Variants in SEPTIN9 observed in about 807,000 individuals in gnomAD.
The protein encoded by SEPTIN9 is septin-9.
SEPTIN9 carries 13 observed loss-of-function variants against 56.6 expected under a neutral mutation model. That is an observed-to-expected ratio of 0.23 (90% confidence interval 0.15 to 0.37). SEPTIN9 has a LOEUF of 0.37. Ranked by LOEUF, SEPTIN9 falls within the 10% of genes least tolerant of loss-of-function variation. The pLI is 1.00. For missense variants in SEPTIN9, 650 were observed against 823.1 expected, an observed-to-expected ratio of 0.79 and a Z score of 2.57; for synonymous variants, 332 against 334.1, an observed-to-expected ratio of 0.99 and a Z score of 0.07.
intron 3 of SEPTIN9, among the ~76,000 whole-genome samples, chr17:77,411,495 G>A (rs557697587): frequency 1.7e-4 from 26 of 150,774 alleles, no homozygotes; most frequent in African/African-American, 5.1e-4. Flanking sequence ...TTCGCCTTCC[G>A]CTTTCAAGCG....
intron 3 of SEPTIN9, among the ~76,000 whole-genome samples, chr17:77,407,282 CAAAAAAAAAAAAAAAA>C (rs58585658): frequency 2.2e-5 from 1 of 44,596 alleles, no homozygotes; most frequent in Admixed American, 3.5e-4. Flanking sequence ...GACCCTGTCT[CAAAAAAAAAAAAAAAA>C]AAAAAAAAAA....
chr17:77,482,795 C>A lies in SEPTIN9; in HGVS notation c.913+460C>A, dbSNP rs1174208670. On this transcript the variant is annotated intron_variant, in intron 4 of 11. Coordinates refer to ENST00000427177, the MANE Select transcript of SEPTIN9 (RefSeq NM_001113491.2). ...AATTGGGGCCTCGTGGCTTCCACAC[C>A]CCCTGGTGGCCCCGGAGAGCTGGAG... is the stretch of plus-strand genomic sequence containing the variant. 1.1e-5 allele frequency: 6 copies of A among 547,452 alleles called. No homozygotes were observed. In the East Asian group the frequency reaches 1.8e-4, roughly 16 times the overall value. The allele number at this position is 547,452 out of a possible 1,614,324, so 33.9% of individuals were successfully genotyped here.
At chr17:77,472,485 C>T (rs1321913047) in intron 3 of SEPTIN9, 1 of 152,236 alleles carries the variant, frequency 6.6e-6, no homozygotes, top group Non-Finnish European at 1.5e-5. Flanking sequence ...CTTCCAGGTC[C>T]TGCAAAGGAG....
intron 3 of SEPTIN9, chr17:77,426,908 G>A (rs2036936632): frequency 6.6e-6 from 1 of 152,238 alleles, no homozygotes; most frequent in Non-Finnish European, 1.5e-5. Context: ...CTGTCCAACT[G>A]GAGCAGTCAG....
rs765941385 is a variant in SEPTIN9, at chr17:77,499,187, C to T, written c.*529C>T. Reference sequence around the variant, plus strand: ...TGTGGCCATCACTCAGCCCCTACCCCTGCCCTGCTCCTAAGGGTAGAAAAC... The same window carrying T: ...TGTGGCCATCACTCAGCCCCTACCCTTGCCCTGCTCCTAAGGGTAGAAAAC... On this transcript the variant is annotated 3_prime_UTR_variant, in exon 12 of 12. Transcript: ENST00000427177. 3.7e-6 allele frequency: 2 copies of T among 544,746 alleles called. No individual in the cohort carries two copies. The highest frequency in any genetic ancestry group is 4.4e-5 in the Admixed American group (2 of 45,822). 33.7% of individuals were successfully genotyped at this position (544,746 alleles called of 1,614,324 possible).
At position 77,498,506 on chromosome 17, in the gene SEPTIN9, GCCCCCCA is replaced by G; in HGVS notation, c.1626-11_1626-5del. 4.2e-5 allele frequency: 21 copies of G among 505,186 alleles called. No homozygotes were observed. The highest frequency in any genetic ancestry group is 5.9e-5 in the Non-Finnish European group (20 of 341,002). The allele number at this position is 505,186 out of a possible 1,614,324, so 31.3% of individuals were successfully genotyped here. On this transcript the variant is annotated splice_polypyrimidine_tract_variant and intron_variant, in intron 11 of 11. Coordinates refer to ENST00000427177, the MANE Select transcript of SEPTIN9 (RefSeq NM_001113491.2). Reference sequence around the variant, plus strand: ...CTGCGCCCACCTCACTGACCCGCCCGCCCCCCACCCCCACAGGACGCACATGCAGAAC... The same window carrying G: ...CTGCGCCCACCTCACTGACCCGCCCGCCCCCACAGGACGCACATGCAGAAC...
chr17:77,308,388 A>G (rs1481584221), intron 2 of SEPTIN9, among the ~76,000 whole-genome samples: 2 of 152,244 alleles, frequency 1.3e-5, no homozygotes, highest in East Asian at 1.9e-4. Context: ...GGGCAAGGGC[A>G]TGTGCCCATC....
At chr17:77,422,785 C>G (rs2036751873) in intron 3 of SEPTIN9, among the ~76,000 whole-genome samples, 1 of 152,164 alleles carries the variant, frequency 6.6e-6, no homozygotes, top group African/African-American at 2.4e-5. Flanking sequence ...TCTGAATTCC[C>G]TGCCGAAATG....
intron 7 of SEPTIN9, among the ~76,000 whole-genome samples, chr17:77,490,154 TG>T (rs1200308547): frequency 9.8e-5 from 15 of 152,310 alleles, no homozygotes; most frequent in African/African-American, 3.1e-4. Flanking sequence ...TCCCCAGCCA[TG>T]TGTGTGACCG....
chr17:77,490,863 G>A lies in SEPTIN9; in HGVS notation c.1380+4G>A. 1.3e-6 allele frequency: 2 copies of A among 1,565,032 alleles called. No individual in the cohort carries two copies. Among genetic ancestry groups the A allele is most frequent in the Non-Finnish European group, 1.7e-6 (2 of 1,153,554 alleles). ...GAGGGTCCACTTCAAACAGCGGGTA[G>A]GGTTCCATCTCTACTTGCCCCAGCC... is the stretch of plus-strand genomic sequence containing the variant. On this transcript the variant is annotated splice_donor_region_variant and intron_variant, in intron 8 of 11. Transcript: ENST00000427177.
intron 2 of SEPTIN9, among the ~76,000 whole-genome samples, chr17:77,387,179 C>G (rs528945538): frequency 1.3e-5 from 2 of 152,212 alleles, no homozygotes; most frequent in African/African-American, 4.8e-5. Context: ...ATCAAGGTGT[C>G]GACCAGGCTG....
rs537567552 is a variant in SEPTIN9, at chr17:77,315,664, GT to G, written c.76+8468del. On this transcript the variant is annotated intron_variant, in intron 2 of 11. Coordinates refer to ENST00000427177, the MANE Select transcript of SEPTIN9 (RefSeq NM_001113491.2). ...TGAGTGAGTGTGACACTTCCTTCCT[GT>G]CTGTGGGTTCCGGCCTTTCCAGAGC... Among the ~76,000 whole-genome samples, 162 of 152,320 alleles carry G rather than the reference GT, an allele frequency of 1.1e-3. 1 individual carries two copies. The highest frequency in any genetic ancestry group is 3.7e-3 in the African/African-American group (155 of 41,570).
chr17:77,408,581 TA>T (rs1343659991), intron 3 of SEPTIN9, among the ~76,000 whole-genome samples: 2 of 145,158 alleles, frequency 1.4e-5, no homozygotes, highest in East Asian at 4.2e-4. Context: ...AGTATAGGGT[TA>T]ATCAAAGCAC....
intron 1 of SEPTIN9, among the ~76,000 whole-genome samples, chr17:77,292,989 C>CATTTATTTATTT (rs138504683): frequency 7.7e-5 from 9 of 116,260 alleles, no homozygotes; most frequent in Non-Finnish European, 1.6e-4. Context: ...ACCGCTTGAG[C>CATTTATTTATTT]ATTTATTTAT....
At position 77,425,437 on chromosome 17, in the gene SEPTIN9, A is replaced by G. The variant is rs2144244122; in HGVS notation, c.721+22734A>G. Among the ~76,000 whole-genome samples the G allele has an allele frequency of 6.6e-6, 1 of 152,208 alleles. No individual in the cohort carries two copies. The highest frequency in any genetic ancestry group is 2.1e-4 in the South Asian group (1 of 4,822). ...GTGTCCCCAGGGTGAAGCCCACCCG[A>G]GTGTCACTCTGGATACAGCCCTCAC... On this transcript the variant is annotated intron_variant, in intron 3 of 11. Transcript: ENST00000427177. The surrounding 1 kb of genome is among the most constrained non-coding windows in gnomAD (Gnocchi z 4.2).
chr17:77,485,926 C>T (rs2039760426), intron 4 of SEPTIN9, among the ~76,000 whole-genome samples: 2 of 151,998 alleles, frequency 1.3e-5, no homozygotes, highest in Middle Eastern at 3.4e-3. Context: ...GCAGCCTCCA[C>T]ATCCTGGGTT....
chr17:77,454,767 G>A (rs2038123106), intron 3 of SEPTIN9, among the ~76,000 whole-genome samples: 1 of 152,246 alleles, frequency 6.6e-6, no homozygotes, highest in South Asian at 2.1e-4. Context: ...CCCGGAGCGG[G>A]TGCAGGAAGA....
intron 2 of SEPTIN9, among the ~76,000 whole-genome samples, chr17:77,338,015 G>T (rs1439473896): frequency 2.0e-5 from 3 of 152,080 alleles, no homozygotes; most frequent in Non-Finnish European, 4.4e-5. Flanking sequence ...TGGCCAACAT[G>T]GTGAAACCTC....
chr17:77,377,534 T>G (rs2034975901), intron 2 of SEPTIN9, among the ~76,000 whole-genome samples: 1 of 151,486 alleles, frequency 6.6e-6, no homozygotes, highest in South Asian at 2.1e-4. Context: ...ACCCACGTGC[T>G]CAGATCCCAG....
Sources: allele counts gnomAD v4.1 joint callset (sites outside exome capture counted in the v4.1 genomes callset), GRCh38; gene constraint gnomAD v4.1.1; non-coding constraint Gnocchi (gnomAD v3.1); transcripts MANE v1.5; gene names NCBI Gene and HGNC (gene_info 2026-07-23, HGNC 2026-07-21).